The following SDHB variants were observed in gnomAD, a reference collection of about 807,000 sequenced individuals.
SDHB encodes succinate dehydrogenase [ubiquinone] iron-sulfur subunit, mitochondrial.
A neutral mutation model predicts 39.7 loss-of-function variants in SDHB; 21 were observed. The ratio of observed to expected loss-of-function variants is 0.53; its 90% CI spans 0.37 to 0.76. The LOEUF is 0.76. Ranked by LOEUF, SDHB falls within the 30% of genes least tolerant of loss-of-function variation. SDHB has a pLI of 0.00. For synonymous variants in SDHB, 118 were observed against 117.0 expected (o/e 1.01, Z -0.06); for missense variants, 343 against 350.9 (o/e 0.98, Z 0.18).
chr1:17,053,259 T>C (rs1482490907), intron 1 of SDHB, among the ~76,000 whole-genome samples: 1 of 152,186 alleles, frequency 6.6e-6, no homozygotes, highest in Admixed American at 6.5e-5. Flanking sequence ...GCCCTCTACC[T>C]GTCATTCCAT....
chr1:17,053,313 A>G (rs2078158843), intron 1 of SDHB, among the ~76,000 whole-genome samples: 1 of 152,198 alleles, frequency 6.6e-6, no homozygotes, highest in African/African-American at 2.4e-5. Context: ...CTTTAGAGTC[A>G]GAAACACTGA....
At chr1:17,038,501 G>C (rs2101534829) in intron 2 of SDHB, among the ~76,000 whole-genome samples, 1 of 152,286 alleles carries the variant, frequency 6.6e-6, no homozygotes, top group South Asian at 2.1e-4. Context: ...TGTTACCTGT[G>C]ACTACAGTTA....
intron 4 of SDHB, 56 bp downstream of exon 4, chr1:17,028,544 C>T (rs2101522798): frequency 6.3e-7 from 1 of 1,591,180 alleles, no homozygotes; most frequent in Non-Finnish European, 8.6e-7. Flanking sequence ...GCGTAACACA[C>T]ATAGCACTGC....
intron 1 of SDHB, among the ~76,000 whole-genome samples, chr1:17,053,060 G>A (rs1057106586): frequency 6.6e-6 from 1 of 152,200 alleles, no homozygotes; most frequent in African/African-American, 2.4e-5. Context: ...GAGAATCCCA[G>A]AAGAGGAACA....
chr1:17,027,998 T>G, intron 4 of SDHB, 133 bp from the exon 5 acceptor site: 1 of 687,112 alleles, frequency 1.5e-6, no homozygotes, highest in Non-Finnish European at 2.6e-6. Context: ...CCAGACTCTT[T>G]TCCTTTGTCA....
chr1:17,050,162 TAA>T (rs1295455870), intron 1 of SDHB, among the ~76,000 whole-genome samples: 3 of 152,204 alleles, frequency 2.0e-5, no homozygotes, highest in Admixed American at 6.5e-5. Flanking sequence ...CAAAAGAGAC[TAA>T]GTTTGTATTA....
intron 7 of SDHB, among the ~76,000 whole-genome samples, chr1:17,020,354 G>A (rs995366267): frequency 6.6e-6 from 1 of 152,192 alleles, no homozygotes; most frequent in African/African-American, 2.4e-5. Context: ...CTCCCCACCT[G>A]GGGCTCAATT....
chr1:17,032,704 A>C (rs571625397), intron 3 of SDHB: 28 of 349,654 alleles, frequency 8.0e-5, no homozygotes, highest in African/African-American at 5.9e-4. Flanking sequence ...CTGGACAAGC[A>C]TAAGTGCCAG....
intron 1 of SDHB, among the ~76,000 whole-genome samples, chr1:17,052,643 A>G (rs1472318474): frequency 3.3e-5 from 5 of 152,232 alleles, no homozygotes; most frequent in African/African-American, 1.2e-4. Context: ...AGAGGATGTC[A>G]GCTTGAGGCT....
At chr1:17,034,272 C>G (rs2101530285) in intron 2 of SDHB, among the ~76,000 whole-genome samples, 1 of 152,152 alleles carries the variant, frequency 6.6e-6, no homozygotes, top group Admixed American at 6.6e-5. Flanking sequence ...CTCAGCCCCC[C>G]AGTAGCTGGG....
chr1:17,033,112 C>G lies in SDHB; in HGVS notation c.234G>C (p.Lys78Asn). 6.2e-7 allele frequency: 1 copy of G among 1,613,944 alleles called. No individual in the cohort carries two copies. The highest frequency in any genetic ancestry group is 8.5e-7 in the Non-Finnish European group (1 of 1,179,802). ...AAGTAGAGTCAACTTCATTCTTAAT[C>G]TTGATTAAAGCATCCAATACCATGG... ...CGPMVLDALIKIKNEVDSTLT... is the reference protein window; with the variant it reads ...CGPMVLDALINIKNEVDSTLT... Residue 78 changes from lysine (K) to asparagine (N), a missense_variant, in exon 3 of 8, where the codon AAG becomes AAC. By Grantham distance (94) the Lys-to-Asn change is moderately conservative. Transcript: ENST00000375499.
chr1:17,044,934 A>C, intron 1 of SDHB, 46 bp from the exon 2 acceptor site: 3 of 1,571,170 alleles, frequency 1.9e-6, no homozygotes, highest in Non-Finnish European at 2.6e-6. Context: ...AATTAGAAAT[A>C]CAAGATAATT....
chr1:17,042,035 C>A (rs903845089), intron 2 of SDHB, among the ~76,000 whole-genome samples: 1 of 152,126 alleles, frequency 6.6e-6, no homozygotes, highest in Admixed American at 6.6e-5. Context: ...GATTCTCCCC[C>A]ATTAGCCTCC....
At chr1:17,028,319 G>A (rs1036608047) in intron 4 of SDHB, among the ~76,000 whole-genome samples, 2 of 152,116 alleles carry the variant, frequency 1.3e-5, no homozygotes, top group Non-Finnish European at 2.9e-5. Context: ...CACCAAATGA[G>A]CTGCTGGAGG....
chr1:17,029,114 T>G (rs2078009403), intron 3 of SDHB, among the ~76,000 whole-genome samples: 3 of 145,692 alleles, frequency 2.1e-5, no homozygotes, highest in African/African-American at 7.6e-5. Flanking sequence ...TTTTTTTTTT[T>G]TTTTTTTTAA....
At chr1:17,022,800 A>G (rs889383377) in intron 6 of SDHB, 70 bp from the exon 7 acceptor site, 28 of 1,562,980 alleles carry the variant, frequency 1.8e-5, no homozygotes, top group Non-Finnish European at 2.1e-5. Context: ...CTCAACTCAA[A>G]GCTCTGGGAG....
intron 5 of SDHB, among the ~76,000 whole-genome samples, chr1:17,024,444 A>C (rs2077981120): frequency 6.6e-6 from 1 of 152,246 alleles, no homozygotes; most frequent in East Asian, 1.9e-4. Context: ...GGGCTGAAGC[A>C]GCAAGAGTCT....
intron 5 of SDHB, among the ~76,000 whole-genome samples, chr1:17,027,057 G>GAC (rs2101520548): frequency 6.6e-6 from 1 of 152,338 alleles, no homozygotes; most frequent in South Asian, 2.1e-4. Context: ...GCCCTGTGCA[G>GAC]ACCTGCAGGT....
intron 7 of SDHB, among the ~76,000 whole-genome samples, chr1:17,019,337 A>G (rs780754755): frequency 5.9e-5 from 9 of 152,184 alleles, no homozygotes; most frequent in Non-Finnish European, 1.3e-4. Flanking sequence ...TTACATCATC[A>G]TTATTAAATA....
Sources: allele counts gnomAD v4.1 joint callset (sites outside exome capture counted in the v4.1 genomes callset), GRCh38; gene constraint gnomAD v4.1.1; transcripts MANE v1.5; gene names NCBI Gene and HGNC (gene_info 2026-07-23, HGNC 2026-07-21).